The following ANXA8 variants were observed in gnomAD, a reference collection of about 807,000 sequenced individuals.
ANXA8 encodes the protein VAC-beta.
In ANXA8, 9 loss-of-function variants were observed where a neutral mutation model predicts 26.8. The observed-to-expected ratio is 0.34, with a 90% CI of 0.20 to 0.59. The LOEUF is 0.59. Among genes scored for constraint, ANXA8 ranks in the 20% least tolerant of loss-of-function variants. The probability of loss-of-function intolerance (pLI) is 0.84; values close to 1 mark genes in which losing one functional copy is unlikely to be tolerated. For synonymous variants in ANXA8, 39 were observed against 94.8 expected (o/e 0.41, Z 3.42); for missense variants, 83 against 238.5 (o/e 0.35, Z 4.29).
At chr10:47,954,012 C>T in the ANXA8 span, among the ~76,000 whole-genome samples, 1 of 150,622 alleles carries the variant, frequency 6.6e-6, no homozygotes, top group African/African-American at 2.5e-5. Flanking sequence ...AATAGAACTA[C>T]CCTATGATCC....
chr10:47,651,153 T>C, the ANXA8 span, among the ~76,000 whole-genome samples: 1 of 151,444 alleles, frequency 6.6e-6, no homozygotes, highest in Non-Finnish European at 1.5e-5. Context: ...TGAGCAGTGA[T>C]GGTGCCACTG....
chr10:47,953,531 T>C, the ANXA8 span, among the ~76,000 whole-genome samples: 4 of 150,868 alleles, frequency 2.7e-5, 2 homozygotes, highest in East Asian at 8.1e-4. Flanking sequence ...TGAATTTAAA[T>C]ATATACTTAC....
chr10:47,985,879 C>T, the ANXA8 span: 6 of 147,848 alleles, frequency 4.1e-5, no homozygotes, highest in Non-Finnish European at 9.1e-5. Flanking sequence ...TTCAGGAACA[C>T]GATTCAGAGC....
intron 11 of ANXA8, among the ~76,000 whole-genome samples, chr10:47,469,688 G>A (rs1337846319): frequency 1.1e-3 from 155 of 143,022 alleles, no homozygotes; most frequent in Middle Eastern, 3.9e-3. Flanking sequence ...TGAGGACAGC[G>A]GGGCCAAGAG....
At chr10:47,485,734 T>G (rs1840027843), upstream of ANXA8, among the ~76,000 whole-genome samples, 1 of 151,946 alleles carries the variant, frequency 6.6e-6, no homozygotes, top group Non-Finnish European at 1.5e-5. Context: ...GATACTGACT[T>G]GCTCATGAGA....
the ANXA8 span, among the ~76,000 whole-genome samples, chr10:47,647,016 C>T: frequency 6.6e-6 from 1 of 152,186 alleles, no homozygotes; most frequent in Non-Finnish European, 1.5e-5. Flanking sequence ...CCAATTTTGG[C>T]TTACGAATAT....
the ANXA8 span, among the ~76,000 whole-genome samples, chr10:47,658,649 T>C: frequency 7.3e-6 from 1 of 136,710 alleles, no homozygotes; most frequent in African/African-American, 3.2e-5. Context: ...TAATATTCTA[T>C]TTGAAATGCC....
the ANXA8 span, among the ~76,000 whole-genome samples, chr10:47,511,371 T>C: frequency 7.1e-6 from 1 of 141,000 alleles, no homozygotes. Context: ...TTATTTCAGG[T>C]GATATTGTTA....
chr10:47,681,523 C>CTTTTTTTTTTTTTTTTT, the ANXA8 span, among the ~76,000 whole-genome samples: 2 of 81,272 alleles, frequency 2.5e-5, no homozygotes, highest in African/African-American at 4.6e-5. Context: ...TTTATTTTTA[C>CTTTTTTTTTTTTTTTTT]TTTTTTTTTT....
upstream of ANXA8, among the ~76,000 whole-genome samples, chr10:47,488,533 C>T (rs1282375798): frequency 6.6e-6 from 1 of 151,286 alleles, no homozygotes; most frequent in African/African-American, 2.5e-5. Flanking sequence ...TAAGAGCAGC[C>T]TGAGCTAAGA....
the ANXA8 span, among the ~76,000 whole-genome samples, chr10:47,587,894 A>G: frequency 6.8e-6 from 1 of 146,160 alleles, no homozygotes; most frequent in South Asian, 2.1e-4. Flanking sequence ...AAGACACACT[A>G]CCTGGCTGTG....
At chr10:47,530,219 C>A in the ANXA8 span, among the ~76,000 whole-genome samples, 2 of 141,280 alleles carry the variant, frequency 1.4e-5, no homozygotes, top group African/African-American at 5.3e-5. Flanking sequence ...TTCCTTTCCA[C>A]CACCTGTTTT....
At chr10:47,481,772 C>A (rs1839820446) in intron 1 of ANXA8, among the ~76,000 whole-genome samples, 1 of 145,122 alleles carries the variant, frequency 6.9e-6, no homozygotes, top group African/African-American at 2.5e-5. Context: ...GGAGCCCTGG[C>A]TATCAGTGTG....
At chr10:47,955,348 A>G in the ANXA8 span, among the ~76,000 whole-genome samples, 3 of 150,550 alleles carry the variant, frequency 2.0e-5, no homozygotes, top group Admixed American at 1.3e-4. Flanking sequence ...TTAATACACA[A>G]CGATGCTCAA....
the ANXA8 span, among the ~76,000 whole-genome samples, chr10:47,957,284 A>G: frequency 2.0e-5 from 3 of 150,460 alleles, no homozygotes; most frequent in African/African-American, 7.5e-5. Flanking sequence ...TGAGGACTAG[A>G]GATGGCCAGG....
the ANXA8 span, among the ~76,000 whole-genome samples, chr10:47,516,302 TAGAG>T: frequency 1.2e-5 from 1 of 85,984 alleles, no homozygotes; most frequent in Non-Finnish European, 2.2e-5. Flanking sequence ...TTCAGAACCT[TAGAG>T]AGAGAGATTC....
At chr10:47,654,012 G>A in the ANXA8 span, among the ~76,000 whole-genome samples, 5 of 151,592 alleles carry the variant, frequency 3.3e-5, no homozygotes, top group African/African-American at 1.2e-4. Flanking sequence ...AAATAGAGTA[G>A]GGTCCAGTAT....
chr10:47,918,429 GAA>G, the ANXA8 span, among the ~76,000 whole-genome samples: 140 of 33,958 alleles, frequency 4.1e-3, 5 homozygotes, highest in Middle Eastern at 0.019. Context: ...AAGAAAGAAA[GAA>G]AGAGAGAGAG....
the ANXA8 span, among the ~76,000 whole-genome samples, chr10:47,508,078 G>T: frequency 2.3e-5 from 3 of 130,996 alleles, no homozygotes; most frequent in South Asian, 2.6e-4. Context: ...TTTTGGGGGG[G>T]TGGTGGGTGG....
Sources: gnomAD v4.1 joint callset for allele counts (sites outside exome capture counted in the v4.1 genomes callset) on GRCh38, gnomAD v4.1.1 for gene constraint, MANE v1.5 for transcripts, NCBI Gene and HGNC (gene_info 2026-07-23, HGNC 2026-07-21) for gene names.